CORIN: variants seen among roughly 807,000 people sequenced by gnomAD.
The protein encoded by CORIN is atrial natriuretic peptide-converting enzyme.
In CORIN, 117 loss-of-function variants were observed where a neutral mutation model predicts 125.3. The ratio of observed to expected loss-of-function variants is 0.93; its 90% CI spans 0.80 to 1.09. The LOEUF is 1.09. Among genes scored for constraint, CORIN ranks in the 50% least tolerant of loss-of-function variants. CORIN has a pLI of 0.00. For synonymous variants in CORIN, 450 were observed against 466.4 expected (o/e 0.96, Z 0.45); for missense variants, 1,253 against 1,306.7 (o/e 0.96, Z 0.63).
chr4:47,723,415 G>A (rs898357414), intron 5 of CORIN, among the ~76,000 whole-genome samples: 1 of 152,118 alleles, frequency 6.6e-6, no homozygotes, highest in Non-Finnish European at 1.5e-5. Context: ...TGAGAAGTAA[G>A]CAACAATGTA....
intron 5 of CORIN, among the ~76,000 whole-genome samples, chr4:47,715,301 A>G (rs189984116): frequency 8.5e-5 from 13 of 152,342 alleles, no homozygotes; most frequent in Non-Finnish European, 1.5e-5. Context: ...CCTTAAAGTC[A>G]GAATCAAAGA....
chr4:47,635,477 G>A (rs1004898883), intron 16 of CORIN, among the ~76,000 whole-genome samples: 19 of 152,172 alleles, frequency 1.2e-4, no homozygotes, highest in Non-Finnish European at 1.0e-4. Context: ...CTAGAGTTCT[G>A]TATTCTATGC....
At chr4:47,718,515 G>C (rs1727204468) in intron 5 of CORIN, among the ~76,000 whole-genome samples, 1 of 152,144 alleles carries the variant, frequency 6.6e-6, no homozygotes, top group South Asian at 2.1e-4. Flanking sequence ...ATAAAAGTTA[G>C]CTATGATTAT....
At chr4:47,639,311 C>A (rs968631912) in intron 16 of CORIN, among the ~76,000 whole-genome samples, 16 of 152,146 alleles carry the variant, frequency 1.1e-4, no homozygotes, top group Non-Finnish European at 1.9e-4. Context: ...TAAGTCTACA[C>A]CATTCTCTGA....
In CORIN at chr4:47,837,999, T is replaced by C. The variant is rs1284082344; in HGVS notation, c.-50A>G. 3.7e-6 allele frequency: 6 copies of C among 1,603,992 alleles called. No individual in the cohort carries two copies. The African/African-American group carries it at 6.7e-5, about 18-fold the overall frequency. ...CTGTCCACTTTTATCTTGGTCGCTT[T>C]TCTCTCCTCTACGTGTCCCCCGGGG... is the stretch of plus-strand genomic sequence containing the variant. On this transcript the variant is annotated 5_prime_UTR_variant, in exon 1 of 22. Transcript: ENST00000273857.
chr4:47,631,669 C>A (rs1449470549), intron 16 of CORIN, among the ~76,000 whole-genome samples: 2 of 152,134 alleles, frequency 1.3e-5, no homozygotes, highest in African/African-American at 4.8e-5. Flanking sequence ...CCATTCCCCC[C>A]ATCCCATCCC....
In CORIN at chr4:47,678,376, C is replaced by A. The variant is rs148164996; in HGVS notation, c.1133-322G>T. ...GCTAACTGCATTGTATATATAATCT[C>A]AAATTCTCATATAAATCTTGTAAAG... On this transcript the variant is annotated intron_variant, in intron 8 of 21. Transcript: ENST00000273857. Among the ~76,000 whole-genome samples, 49 of 152,258 alleles carry A rather than the reference C, an allele frequency of 3.2e-4. No homozygotes were observed. In the East Asian group the frequency reaches 9.1e-3, roughly 28 times the overall value.
At chr4:47,772,938 T>C (rs1730117239) in intron 3 of CORIN, among the ~76,000 whole-genome samples, 1 of 152,172 alleles carries the variant, frequency 6.6e-6, no homozygotes, top group Admixed American at 6.5e-5. Context: ...GGAATAATTA[T>C]TCATTTATAT....
At chr4:47,829,130 C>T (rs1260132894) in intron 1 of CORIN, among the ~76,000 whole-genome samples, 1 of 120,484 alleles carries the variant, frequency 8.3e-6, no homozygotes, top group Non-Finnish European at 1.6e-5. Context: ...TGCACTCCAG[C>T]CTGGGTGACA....
intron 11 of CORIN, among the ~76,000 whole-genome samples, chr4:47,664,054 ACT>A (rs2109670181): frequency 6.6e-6 from 1 of 152,188 alleles, no homozygotes; most frequent in Admixed American, 6.5e-5. Flanking sequence ...TTTAAAAAAA[ACT>A]CTGCGTGACT....
intron 5 of CORIN, among the ~76,000 whole-genome samples, chr4:47,731,147 C>G (rs1041920477): frequency 2.0e-5 from 3 of 152,168 alleles, no homozygotes; most frequent in African/African-American, 7.2e-5. Flanking sequence ...ACTGAAAGAA[C>G]TACATTGTTA....
intron 9 of CORIN, among the ~76,000 whole-genome samples, chr4:47,676,922 A>G (rs1725045923): frequency 6.6e-6 from 1 of 152,220 alleles, no homozygotes. Context: ...GGTAAAACAA[A>G]GCACTCTTTA....
chr4:47,816,776 T>C (rs1732287600), intron 1 of CORIN, among the ~76,000 whole-genome samples: 1 of 152,122 alleles, frequency 6.6e-6, no homozygotes, highest in African/African-American at 2.4e-5. Context: ...CTCTCACATA[T>C]TGCAGGATAT....
At chr4:47,676,176 T>C (rs1287294831) in intron 9 of CORIN, among the ~76,000 whole-genome samples, 1 of 152,196 alleles carries the variant, frequency 6.6e-6, no homozygotes, top group Non-Finnish European at 1.5e-5. Flanking sequence ...CAGCTCTGTC[T>C]AGCAGAACAA....
chr4:47,822,189 T>C (rs1203886734), intron 1 of CORIN, among the ~76,000 whole-genome samples: 2 of 152,232 alleles, frequency 1.3e-5, no homozygotes, highest in African/African-American at 4.8e-5. Flanking sequence ...TTTTAAAAAA[T>C]TTAAAACACA....
intron 5 of CORIN, among the ~76,000 whole-genome samples, chr4:47,721,166 C>CAG (rs78663098): frequency 1.2e-3 from 180 of 149,440 alleles, no homozygotes; most frequent in African/African-American, 2.5e-3. Flanking sequence ...CATGTACAGA[C>CAG]AGAGAGAGAG....
intron 2 of CORIN, chr4:47,790,406 G>A (rs1731027051): frequency 6.5e-6 from 1 of 152,810 alleles, no homozygotes. Flanking sequence ...CAACTTGTGA[G>A]GCAGGAAACT....
At chr4:47,641,349 C>T (rs898126992) in intron 16 of CORIN, among the ~76,000 whole-genome samples, 14 of 152,096 alleles carry the variant, frequency 9.2e-5, no homozygotes, top group African/African-American at 2.7e-4. Context: ...CTTTCCACCC[C>T]CAATGGAATT....
At chr4:47,685,020 A>G (rs150503490) in intron 6 of CORIN, among the ~76,000 whole-genome samples, 1 of 152,326 alleles carries the variant, frequency 6.6e-6, no homozygotes, top group African/African-American at 2.4e-5. Context: ...GATGGATAAT[A>G]GCAAGTATTG....
Sources: gnomAD v4.1 joint callset for allele counts (sites outside exome capture counted in the v4.1 genomes callset) on GRCh38, gnomAD v4.1.1 for gene constraint, MANE v1.5 for transcripts, NCBI Gene and HGNC (gene_info 2026-07-23, HGNC 2026-07-21) for gene names.